TRPS1: variants seen among roughly 807,000 people sequenced by gnomAD.
The protein encoded by TRPS1 is transcriptional repressor GATA binding 1, also known as zinc finger transcription factor Trps1.
Under a neutral mutation model 101.2 loss-of-function variants are expected in TRPS1, and 6 were observed. The observed-to-expected ratio is 0.06, with a 90% confidence interval of 0.03 to 0.12. The LOEUF (loss-of-function observed/expected upper bound fraction) is 0.12, where lower values mean the gene tolerates loss of function less well. Ranked by LOEUF, TRPS1 falls within the 10% of genes least tolerant of loss-of-function variation. The pLI, the probability that TRPS1 is intolerant of heterozygous loss-of-function variation, is 1.00. For synonymous variants in TRPS1, 578 were observed against 589.8 expected (o/e 0.98, Z 0.29); for missense variants, 1,363 against 1,567.0 (o/e 0.87, Z 2.20).
rs972768757 is a variant in TRPS1 at position 115,413,251 on chromosome 8, C to T, written c.*772G>A. On this transcript the variant is annotated 3_prime_UTR_variant, in exon 7 of 7. Transcript: ENST00000395715. The stretch of plus-strand genomic sequence containing the variant: ...TAAAATGAAATCACTACAGAAGCAT[C>T]GAGGACATTGTTTTTTAAAATGGGT... 2.0e-4 allele frequency: 30 copies of T among 152,228 alleles called. 1 individual carries two copies. Among genetic ancestry groups the T allele is most frequent in the African/African-American group, 5.8e-4 (24 of 41,414 alleles). 9.4% of individuals were successfully genotyped at this position (152,228 alleles called of 1,614,324 possible).
rs143956370 is a variant in TRPS1 at position 115,573,560 on chromosome 8, C to T, written c.2700+13441G>A. Among the ~76,000 whole-genome samples the T allele has an allele frequency of 5.2e-4, 79 of 152,220 alleles. 2 individuals are homozygous for T. The East Asian group carries it at 0.013, about 25-fold the overall frequency. ...ATTACTCATAGAGTAAGAGATCAGC[C>T]TACTAATGAGTCTTCGTCACCTCAA... is the stretch of plus-strand genomic sequence containing the variant. On this transcript the variant is annotated intron_variant, in intron 5 of 6. Transcript: ENST00000395715.
chr8:115,545,219 C>T (rs1816543496), intron 5 of TRPS1, among the ~76,000 whole-genome samples: 1 of 152,180 alleles, frequency 6.6e-6, no homozygotes, highest in African/African-American at 2.4e-5. Context: ...AAAGAATACA[C>T]TGATGACCGA....
At chr8:115,608,335 C>A (rs1818086347) in intron 3 of TRPS1, among the ~76,000 whole-genome samples, 1 of 152,130 alleles carries the variant, frequency 6.6e-6, no homozygotes, top group Non-Finnish European at 1.5e-5. Context: ...ACGTATTTAT[C>A]CCTCTAATTA....
chr8:115,617,383 A>G (rs1818296879), intron 3 of TRPS1, among the ~76,000 whole-genome samples: 3 of 152,186 alleles, frequency 2.0e-5, no homozygotes, highest in Non-Finnish European at 4.4e-5. Flanking sequence ...ACTGCCCAGG[A>G]AAAGTGTCCA....
chr8:115,515,568 C>A (rs557327418), intron 5 of TRPS1, among the ~76,000 whole-genome samples: 1 of 122,394 alleles, frequency 8.2e-6, no homozygotes, highest in South Asian at 3.0e-4. Context: ...CTAAGTATTT[C>A]ATGTTGATAA....
intron 5 of TRPS1, among the ~76,000 whole-genome samples, chr8:115,478,963 GTGTATATATGTATATATA>G (rs1814683771): frequency 6.7e-6 from 1 of 148,748 alleles, no homozygotes; most frequent in South Asian, 2.1e-4. Flanking sequence ...ATGTATATAT[GTGTATATATGTATATATA>G]TGTATATATG....
chr8:115,611,342 C>G (rs920893974), intron 3 of TRPS1, among the ~76,000 whole-genome samples: 1 of 152,116 alleles, frequency 6.6e-6, no homozygotes, highest in Non-Finnish European at 1.5e-5. Flanking sequence ...AAAATCTAAT[C>G]TCCGAAAATA....
intron 5 of TRPS1, among the ~76,000 whole-genome samples, chr8:115,558,972 A>G (rs917994318): frequency 1.3e-5 from 2 of 152,152 alleles, no homozygotes; most frequent in African/African-American, 4.8e-5. Flanking sequence ...CTATCAGAAT[A>G]CCCGTGGTTA....
intron 5 of TRPS1, among the ~76,000 whole-genome samples, chr8:115,584,764 T>G (rs926137262): frequency 4.6e-5 from 7 of 152,028 alleles, no homozygotes; most frequent in Non-Finnish European, 1.0e-4. Flanking sequence ...TGTTTCTTAA[T>G]TCTGTTAGGT....
At chr8:115,541,182 T>C (rs1816443815) in intron 5 of TRPS1, among the ~76,000 whole-genome samples, 1 of 152,256 alleles carries the variant, frequency 6.6e-6, no homozygotes, top group Non-Finnish European at 1.5e-5. Flanking sequence ...CAAAGCCTAC[T>C]ATCTGAAGGC....
chr8:115,556,982 AAG>A (rs1271743764), intron 5 of TRPS1, among the ~76,000 whole-genome samples: 3 of 152,170 alleles, frequency 2.0e-5, no homozygotes, highest in African/African-American at 7.2e-5. Context: ...TTACAAAAGA[AAG>A]AGGTTTAATG....
At chr8:115,488,663 G>C (rs1261933683) in intron 5 of TRPS1, among the ~76,000 whole-genome samples, 1 of 152,098 alleles carries the variant, frequency 6.6e-6, no homozygotes, top group Non-Finnish European at 1.5e-5. Context: ...AACAGAGTGA[G>C]ATTCCGTCAA....
At chr8:115,531,082 T>C (rs1816119891) in intron 5 of TRPS1, among the ~76,000 whole-genome samples, 4 of 151,882 alleles carry the variant, frequency 2.6e-5, no homozygotes, top group Admixed American at 2.6e-4. Flanking sequence ...AGTATAATAA[T>C]AAAATTTAAA....
intron 5 of TRPS1, among the ~76,000 whole-genome samples, chr8:115,560,230 T>C (rs1005073769): frequency 1.3e-5 from 2 of 152,090 alleles, no homozygotes; most frequent in African/African-American, 4.8e-5. Context: ...CCACAATTTA[T>C]AAAACAGGTC....
At chr8:115,467,626 T>TA (rs1814357251) in intron 5 of TRPS1, among the ~76,000 whole-genome samples, 1 of 152,004 alleles carries the variant, frequency 6.6e-6, no homozygotes, top group African/African-American at 2.4e-5. Context: ...GCACTGGAAA[T>TA]GACATTAACA....
intron 1 of TRPS1, among the ~76,000 whole-genome samples, chr8:115,633,665 G>C: frequency 6.6e-6 from 1 of 152,098 alleles, no homozygotes; most frequent in East Asian, 1.9e-4. Flanking sequence ...AGACCGGAGG[G>C]AACAGATGAG....
At chr8:115,650,564 C>A (rs1301710812) in intron 1 of TRPS1, among the ~76,000 whole-genome samples, 1 of 151,224 alleles carries the variant, frequency 6.6e-6, no homozygotes, top group African/African-American at 2.5e-5. Context: ...AAAGGGACTT[C>A]CCAATTGTCA....
At chr8:115,491,952 T>C (rs1815033355) in intron 5 of TRPS1, among the ~76,000 whole-genome samples, 1 of 152,200 alleles carries the variant, frequency 6.6e-6, no homozygotes, top group African/African-American at 2.4e-5. Context: ...CCTAGGGATA[T>C]GGCTTTTCTT....
At chr8:115,634,103 CT>C (rs1818713832) in intron 1 of TRPS1, among the ~76,000 whole-genome samples, 1 of 152,120 alleles carries the variant, frequency 6.6e-6, no homozygotes, top group Non-Finnish European at 1.5e-5. Flanking sequence ...GGCATTTAGT[CT>C]TTGTTTTGTA....
Sources: allele counts gnomAD v4.1 joint callset (sites outside exome capture counted in the v4.1 genomes callset), GRCh38; gene constraint gnomAD v4.1.1; transcripts MANE v1.5; gene names NCBI Gene and HGNC (gene_info 2026-07-23, HGNC 2026-07-21).